Variants in CORO2B observed in about 807,000 individuals in gnomAD.
CORO2B encodes the protein coronin-2B.
Under a neutral mutation model 58.8 loss-of-function variants are expected in CORO2B, and 26 were observed. The observed-to-expected ratio is 0.44, with a 90% CI of 0.32 to 0.61. The LOEUF (loss-of-function observed/expected upper bound fraction) is 0.61, where lower values mean the gene tolerates loss of function less well. Ranked by LOEUF, CORO2B falls within the 20% of genes least tolerant of loss-of-function variation. CORO2B has a pLI of 0.04. For synonymous variants in CORO2B, 242 were observed against 253.8 expected (o/e 0.95, Z 0.44); for missense variants, 460 against 645.1 (o/e 0.71, Z 3.11).
intron 1 of CORO2B, among the ~76,000 whole-genome samples, chr15:68,632,655 A>G (rs1027319928): frequency 6.6e-6 from 1 of 152,184 alleles, no homozygotes; most frequent in Admixed American, 6.5e-5. Context: ...CAGTGGTGCT[A>G]TCTTGGCTCA....
chr15:68,518,459 C>A, the CORO2B span, among the ~76,000 whole-genome samples: 2 of 152,162 alleles, frequency 1.3e-5, no homozygotes, highest in Non-Finnish European at 2.9e-5. Context: ...TTGCCCACTC[C>A]CACCCCATTT....
At chr15:68,638,977 T>C (rs1181939781) in intron 1 of CORO2B, among the ~76,000 whole-genome samples, 5 of 152,098 alleles carry the variant, frequency 3.3e-5, no homozygotes, top group African/African-American at 1.2e-4. Flanking sequence ...TCAGAGGTGT[T>C]GGTATTCTGG....
intron 3 of CORO2B, among the ~76,000 whole-genome samples, chr15:68,696,154 G>T (rs1214683258): frequency 3.3e-5 from 5 of 151,788 alleles, no homozygotes; most frequent in African/African-American, 1.2e-4. Context: ...GGAGGGTGAG[G>T]TGGGAGGATC....
the CORO2B span, among the ~76,000 whole-genome samples, chr15:68,534,149 A>C: frequency 1.0e-3 from 152 of 152,298 alleles, no homozygotes; most frequent in African/African-American, 3.6e-3. Flanking sequence ...CCCCACCTAG[A>C]AGACTTCTTT....
intron 1 of CORO2B, among the ~76,000 whole-genome samples, chr15:68,592,517 G>A (rs1899732434): frequency 6.6e-6 from 1 of 152,166 alleles, no homozygotes; most frequent in African/African-American, 2.4e-5. Context: ...ATAAAAATCT[G>A]TCAAGGCAAA....
chr15:68,528,639 T>C, the CORO2B span, among the ~76,000 whole-genome samples: 1 of 151,984 alleles, frequency 6.6e-6, no homozygotes, highest in Non-Finnish European at 1.5e-5. Context: ...TATTGGGACA[T>C]GATGGTCTCA....
At chr15:68,686,814 G>A (rs950214021) in intron 2 of CORO2B, among the ~76,000 whole-genome samples, 2 of 151,484 alleles carry the variant, frequency 1.3e-5, no homozygotes, top group Non-Finnish European at 2.9e-5. Context: ...CAGAAGAATC[G>A]CTTGAACCCA....
the CORO2B span, among the ~76,000 whole-genome samples, chr15:68,540,708 C>T: frequency 6.6e-6 from 1 of 152,072 alleles, no homozygotes; most frequent in Middle Eastern, 3.2e-3. Context: ...TTTTAACTGC[C>T]TCATCAAGAA....
rs1006142806 is a variant in CORO2B, at chr15:68,710,477, A to G, written c.334-255A>G. 1.3e-5 allele frequency among the ~76,000 whole-genome samples: 2 copies of G among 152,238 alleles called. No individual in the cohort carries two copies. On this transcript the variant is annotated intron_variant, in intron 3 of 11. Transcript: ENST00000261861. The surrounding 1 kb of genome is among the most constrained non-coding windows in gnomAD (Gnocchi z 4.1). ...TAGGCCACAGCAGTAGCAACATGCC[A>G]GTAATAACAGTTCTTAGGTCTGCAG...
intron 2 of CORO2B, among the ~76,000 whole-genome samples, chr15:68,663,435 A>G (rs577465918): frequency 7.2e-5 from 11 of 152,348 alleles, no homozygotes; most frequent in Admixed American, 2.6e-4. Flanking sequence ...TTAAATGGAT[A>G]GTTGAAGAGG....
At chr15:68,552,723 C>T in the CORO2B span, among the ~76,000 whole-genome samples, 3 of 152,320 alleles carry the variant, frequency 2.0e-5, no homozygotes, top group South Asian at 2.1e-4. Flanking sequence ...ATCATAGAAT[C>T]GCATGCTTCC....
At position 68,587,372 on chromosome 15, in the gene CORO2B, G is replaced by A. The variant is rs527360158; in HGVS notation, c.15+8095G>A. Among the ~76,000 whole-genome samples the A allele has an allele frequency of 2.4e-4, 36 of 152,294 alleles. No individual in the cohort carries two copies. In the East Asian group the frequency reaches 6.4e-3, roughly 27 times the overall value. On this transcript the variant is annotated intron_variant, in intron 1 of 11. Coordinates refer to ENST00000261861, the MANE Select transcript of CORO2B (RefSeq NM_006091.5). ...GGCTCTGGCTGCCCAGAGCGGTGGT[G>A]TGTGGAGGCTCACCCTGGGTAGGTG...
intron 1 of CORO2B, among the ~76,000 whole-genome samples, chr15:68,630,244 G>T (rs1900790973): frequency 6.6e-6 from 1 of 152,198 alleles, no homozygotes. Flanking sequence ...GCTGTGTGGG[G>T]TGGTCGTGTG....
At chr15:68,553,019 C>G in the CORO2B span, among the ~76,000 whole-genome samples, 3 of 152,234 alleles carry the variant, frequency 2.0e-5, no homozygotes, top group Admixed American at 1.3e-4. Context: ...CCAGGCACCA[C>G]GCCAGGCCCC....
intron 1 of CORO2B, among the ~76,000 whole-genome samples, chr15:68,636,924 G>A (rs553323936): frequency 6.6e-6 from 1 of 152,142 alleles, no homozygotes; most frequent in Non-Finnish European, 1.5e-5. Flanking sequence ...TGTGCCTATT[G>A]AGCACTTGAT....
rs1892889206 is a variant in CORO2B, at chr15:68,710,555, C to T, written c.334-177C>T. ...GCAGAGAGATGGTCTCCTTCCTCTC[C>T]AGCCACACCCTGAGACCTCCCAGCA... is the stretch of plus-strand genomic sequence containing the variant. On this transcript the variant is annotated intron_variant, in intron 3 of 11. Transcript: ENST00000261861. This position sits in a 1 kb window ranked among gnomAD's most constrained non-coding sequence, Gnocchi z 4.1. Among the ~76,000 whole-genome samples the T allele has an allele frequency of 6.6e-6, 1 of 152,230 alleles. No homozygotes were observed. The highest frequency in any genetic ancestry group is 1.5e-5 in the Non-Finnish European group (1 of 68,040).
At chr15:68,617,223 G>C (rs1192727016) in intron 1 of CORO2B, among the ~76,000 whole-genome samples, 1 of 152,212 alleles carries the variant, frequency 6.6e-6, no homozygotes, top group Non-Finnish European at 1.5e-5. Context: ...AGTGGGGGCT[G>C]GGGATGGGTG....
intron 1 of CORO2B, among the ~76,000 whole-genome samples, chr15:68,580,355 G>A (rs533757602): frequency 6.6e-6 from 1 of 152,232 alleles, no homozygotes; most frequent in Non-Finnish European, 1.5e-5. Context: ...AAGTGGGACC[G>A]GCAGCCCAGA....
the CORO2B span, among the ~76,000 whole-genome samples, chr15:68,545,396 C>T: frequency 5.3e-5 from 8 of 152,170 alleles, no homozygotes; most frequent in South Asian, 1.7e-3. Flanking sequence ...CCCCCAGCTC[C>T]AGCCTCTGTC....
Sources: gnomAD v4.1 joint callset for allele counts (sites outside exome capture counted in the v4.1 genomes callset) on GRCh38, gnomAD v4.1.1 for gene constraint, Gnocchi (gnomAD v3.1) non-coding constraint, MANE v1.5 for transcripts, NCBI Gene and HGNC (gene_info 2026-07-23, HGNC 2026-07-21) for gene names.